The following ADCY2 variants were observed in gnomAD, a reference collection of about 807,000 sequenced individuals.
The protein encoded by ADCY2 is adenylate cyclase type 2.
In ADCY2, 31 loss-of-function variants were observed where a neutral mutation model predicts 125.2. The observed-to-expected ratio is 0.25, with a 90% CI of 0.19 to 0.33. ADCY2 has a LOEUF of 0.33. ADCY2 is among the 10% of genes least tolerant of loss of function. The probability of loss-of-function intolerance (pLI) is 1.00; values close to 1 mark genes in which losing one functional copy is unlikely to be tolerated. For missense variants in ADCY2, 904 were observed against 1,418.2 expected (o/e 0.64, Z 5.82); for synonymous variants, 512 against 548.4 (o/e 0.93, Z 0.93).
chr5:7,590,654 T>C (rs1242409235), intron 3 of ADCY2, among the ~76,000 whole-genome samples: 2 of 151,942 alleles, frequency 1.3e-5, no homozygotes, highest in African/African-American at 4.8e-5. Context: ...TCAGAAAAGG[T>C]GAAATATTAC....
At chr5:7,824,954 C>T (rs916586334) in intron 24 of ADCY2, among the ~76,000 whole-genome samples, 2 of 152,224 alleles carry the variant, frequency 1.3e-5, no homozygotes, top group African/African-American at 4.8e-5. Flanking sequence ...GCTGTTGACA[C>T]GGCCCCCACC....
intron 22 of ADCY2, among the ~76,000 whole-genome samples, chr5:7,812,849 G>A (rs1031879243): frequency 6.6e-6 from 1 of 152,208 alleles, no homozygotes; most frequent in Admixed American, 6.5e-5. Flanking sequence ...GGCGGAGGTT[G>A]CAGTGAGCCA....
chr5:7,809,734 T>C (rs555765570), intron 22 of ADCY2, among the ~76,000 whole-genome samples: 1 of 152,248 alleles, frequency 6.6e-6, no homozygotes, highest in South Asian at 2.1e-4. Flanking sequence ...CACAGAAGTA[T>C]ATCAGCACCT....
chr5:7,462,285 A>G (rs1741943461), intron 2 of ADCY2, among the ~76,000 whole-genome samples: 1 of 152,236 alleles, frequency 6.6e-6, no homozygotes, highest in African/African-American at 2.4e-5. Context: ...TCAATCTCTC[A>G]GACTAATTAA....
At chr5:7,511,324 C>G (rs1744048925) in intron 2 of ADCY2, among the ~76,000 whole-genome samples, 1 of 152,078 alleles carries the variant, frequency 6.6e-6, no homozygotes, top group African/African-American at 2.4e-5. Flanking sequence ...GCCTGTAATC[C>G]CAGTACTTTG....
Position 7,817,250 on chromosome 5 carries a change from A to G in ADCY2, c.2998+270A>G, listed in dbSNP as rs370413217. Reference sequence around the variant, plus strand: ...TTGAGCCATCCTGCGTTGCTGATTCACTGTGAGACATCCACTAAGAGCTGC... The same window carrying G: ...TTGAGCCATCCTGCGTTGCTGATTCGCTGTGAGACATCCACTAAGAGCTGC... On this transcript the variant is annotated intron_variant, in intron 23 of 24. Transcript: ENST00000338316. Among the ~76,000 whole-genome samples the G allele has an allele frequency of 1.1e-4, 16 of 152,146 alleles. No individual in the cohort carries two copies. In the East Asian group the frequency reaches 1.3e-3, roughly 13 times the overall value.
In ADCY2 at chr5:7,741,436, A is replaced by G. The variant is rs1579377913; in HGVS notation, c.1872-2232A>G. On this transcript the variant is annotated intron_variant, in intron 14 of 24. Coordinates refer to ENST00000338316, the MANE Select transcript of ADCY2 (RefSeq NM_020546.3). ...ATTGTGAGGATAAAGTGAACTATAT[A>G]TGTACATATATACATAGCACTTGAC... Among the ~76,000 whole-genome samples, 7 of 152,220 alleles carry G rather than the reference A, an allele frequency of 4.6e-5. No homozygotes were observed. In the South Asian group the frequency reaches 1.5e-3, roughly 32 times the overall value.
chr5:7,826,029 CCTT>C (rs1394349122), intron 24 of ADCY2, among the ~76,000 whole-genome samples: 3 of 152,224 alleles, frequency 2.0e-5, no homozygotes, highest in African/African-American at 7.2e-5. Context: ...GGGCTGCCCT[CCTT>C]AGCCCCCGTT....
At position 7,739,499 on chromosome 5, in the gene ADCY2, G is replaced by A. The variant is rs144576306; in HGVS notation, c.1872-4169G>A. 5.0e-4 allele frequency among the ~76,000 whole-genome samples: 76 copies of A among 151,774 alleles called. No individual in the cohort carries two copies. The East Asian group carries it at 0.013, about 27-fold the overall frequency. On this transcript the variant is annotated intron_variant, in intron 14 of 24. Coordinates refer to ENST00000338316, the MANE Select transcript of ADCY2 (RefSeq NM_020546.3). Reference sequence around the variant, plus strand: ...GTTAAAAATCAATTGTCCAAATTTCGATCTTAGGAAGCAGAAAAAGATGAG... The same window carrying A: ...GTTAAAAATCAATTGTCCAAATTTCAATCTTAGGAAGCAGAAAAAGATGAG...
At chr5:7,465,350 T>C (rs1462501561) in intron 2 of ADCY2, among the ~76,000 whole-genome samples, 1 of 152,232 alleles carries the variant, frequency 6.6e-6, no homozygotes, top group South Asian at 2.1e-4. Flanking sequence ...GGATGCGTCC[T>C]AAGTCCAGTA....
chr5:7,712,757 T>C, intron 10 of ADCY2, 99 bp from the exon 11 acceptor site: 1 of 803,636 alleles, frequency 1.2e-6, no homozygotes, highest in Non-Finnish European at 2.1e-6. Context: ...TAAATGTTAC[T>C]GTCCATGATA....
intron 2 of ADCY2, among the ~76,000 whole-genome samples, chr5:7,506,275 G>T (rs1743809731): frequency 2.0e-5 from 3 of 152,174 alleles, no homozygotes; most frequent in Admixed American, 6.5e-5. Flanking sequence ...CTTCAAAAAT[G>T]TATAACTAGT....
chr5:7,501,245 A>G (rs1306030623), intron 2 of ADCY2, among the ~76,000 whole-genome samples: 2 of 152,138 alleles, frequency 1.3e-5, no homozygotes, highest in African/African-American at 2.4e-5. Context: ...ATGAAGCAAG[A>G]GGAATACAGA....
intron 4 of ADCY2, among the ~76,000 whole-genome samples, chr5:7,634,552 C>T (rs10073795): frequency 0.045 from 6,864 of 152,138 alleles, 503 homozygotes; most frequent in African/African-American, 0.15. Context: ...ACTCAGAATG[C>T]AATGCAAGAG....
rs547010783 is a variant in ADCY2 at position 7,634,794 on chromosome 5, C to T, written c.720+8478C>T. Among the ~76,000 whole-genome samples, 8 of 151,278 alleles carry T rather than the reference C, an allele frequency of 5.3e-5. No homozygotes were observed. The South Asian group carries it at 6.3e-4, about 12-fold the overall frequency. On this transcript the variant is annotated intron_variant, in intron 4 of 24. Coordinates refer to ENST00000338316, the MANE Select transcript of ADCY2 (RefSeq NM_020546.3). Reference sequence around the variant, plus strand: ...AGACTAGAGGTCCCTGTTCTCTTTGCGCTTAAATTCTAATAGCAGGTGATA... The same window carrying T: ...AGACTAGAGGTCCCTGTTCTCTTTGTGCTTAAATTCTAATAGCAGGTGATA...
At chr5:7,729,018 T>C (rs1401550223) in intron 14 of ADCY2, among the ~76,000 whole-genome samples, 1 of 152,210 alleles carries the variant, frequency 6.6e-6, no homozygotes, top group Non-Finnish European at 1.5e-5. Context: ...CCATGGATGT[T>C]CATTCTCTCA....
At chr5:7,773,186 A>G in intron 18 of ADCY2, 85 bp downstream of exon 18, 1 of 1,357,090 alleles carries the variant, frequency 7.4e-7, no homozygotes, top group Non-Finnish European at 1.0e-6. Flanking sequence ...AATGCAAGTT[A>G]GCGATGTCAT....
chr5:7,422,303 A>C (rs924760708), intron 2 of ADCY2, among the ~76,000 whole-genome samples: 9 of 151,956 alleles, frequency 5.9e-5, no homozygotes, highest in Admixed American at 6.6e-5. Context: ...AGCCTCCCAA[A>C]GTGTTGGGAT....
rs144570730 is a variant in ADCY2, at chr5:7,680,231, C to T, written c.721-10460C>T. ...AAAAGGGGTTGGGGGTCTTGCTGAC[C>T]TCTGGTGGGTAAAGGGTACTAAAGT... On this transcript the variant is annotated intron_variant, in intron 4 of 24. Coordinates refer to ENST00000338316, the MANE Select transcript of ADCY2 (RefSeq NM_020546.3). Among the ~76,000 whole-genome samples the T allele has an allele frequency of 1.6e-3, 250 of 152,256 alleles. 5 individuals are homozygous for T. Among genetic ancestry groups the T allele is most frequent in the Admixed American group, 0.013 (201 of 15,298 alleles).
Sources: allele counts gnomAD v4.1 joint callset (sites outside exome capture counted in the v4.1 genomes callset), GRCh38; gene constraint gnomAD v4.1.1; transcripts MANE v1.5; gene names NCBI Gene and HGNC (gene_info 2026-07-23, HGNC 2026-07-21).